MAP3K4: variants seen among roughly 807,000 people sequenced by gnomAD.
The protein encoded by MAP3K4 is MAP three kinase 1.
Under a neutral mutation model 185.6 loss-of-function variants are expected in MAP3K4, and 67 were observed. The observed-to-expected ratio is 0.36, with a 90% confidence interval of 0.30 to 0.44. MAP3K4 has a LOEUF of 0.44. Among genes scored for constraint, MAP3K4 ranks in the 20% least tolerant of loss-of-function variants. The pLI, the probability that MAP3K4 is intolerant of heterozygous loss-of-function variation, is 1.00. For missense variants in MAP3K4, 1,551 were observed against 1,995.1 expected (o/e 0.78, Z 4.24); for synonymous variants, 702 against 710.4 (o/e 0.99, Z 0.19).
rs765303781 is a variant in MAP3K4 at position 161,114,054 on chromosome 6, C to T, written c.4627-1069C>T. ...TCATGATCCGCCTGCCTCAGCCTCC[C>T]GAAGTGCTGAGTGACATTTTTAAAG... is the stretch of plus-strand genomic sequence containing the variant. On this transcript the variant is annotated intron_variant, in intron 25 of 26. Coordinates refer to ENST00000392142, the MANE Select transcript of MAP3K4 (RefSeq NM_005922.4). This position sits in a 1 kb window ranked among gnomAD's most constrained non-coding sequence, Gnocchi z 4.3. 3.3e-5 allele frequency among the ~76,000 whole-genome samples: 5 copies of T among 151,880 alleles called. No individual in the cohort carries two copies. The highest frequency in any genetic ancestry group is 6.6e-5 in the Admixed American group (1 of 15,250).
At chr6:161,021,208 T>G (rs1782369752) in intron 1 of MAP3K4, among the ~76,000 whole-genome samples, 1 of 152,256 alleles carries the variant, frequency 6.6e-6, no homozygotes, top group African/African-American at 2.4e-5. Context: ...GCATTGTTCC[T>G]CTCAAGTGAA....
rs1046788123 is a variant in MAP3K4, at chr6:161,101,576, T to C, written c.3675-316T>C. ...GCAGGCAGGTGCTCTCAGGCTCGGG[T>C]GTTGGCTATGGAGAGATGAAAATGG... On this transcript the variant is annotated intron_variant, in intron 17 of 26. Transcript: ENST00000392142. The surrounding 1 kb of genome is among the most constrained non-coding windows in gnomAD (Gnocchi z 5.1). 2 of 195,714 alleles carry C rather than the reference T, an allele frequency of 1.0e-5. No homozygotes were observed. The highest frequency in any genetic ancestry group is 4.6e-5 in the African/African-American group (2 of 43,118). 12.1% of individuals were successfully genotyped at this position (195,714 alleles called of 1,614,324 possible).
At chr6:161,069,665 G>A (rs925984951) in intron 3 of MAP3K4, among the ~76,000 whole-genome samples, 4 of 152,184 alleles carry the variant, frequency 2.6e-5, no homozygotes, top group Admixed American at 1.3e-4. Context: ...AGTGCCAGGC[G>A]TGGGGACGGT....
At chr6:160,999,317 G>C in intron 1 of MAP3K4, among the ~76,000 whole-genome samples, 1 of 152,114 alleles carries the variant, frequency 6.6e-6, no homozygotes, top group East Asian at 1.9e-4. Context: ...GGAACTTTTG[G>C]ACGATAGTAC....
At position 161,093,158 on chromosome 6, in the gene MAP3K4, A is replaced by G. The variant is rs999228432; in HGVS notation, c.3348+102A>G. The G allele has an allele frequency of 8.2e-6, 6 of 733,186 alleles. No individual in the cohort carries two copies. Among genetic ancestry groups the G allele is most frequent in the African/African-American group, 7.2e-5 (4 of 55,766 alleles). 45.4% of individuals were successfully genotyped at this position (733,186 alleles called of 1,614,324 possible). ...ATGTAATAGTGGTTTTTTTCATGAGATATTAATCTCAGCATATCATGTAAT... is the reference window on the plus strand; with the variant it reads ...ATGTAATAGTGGTTTTTTTCATGAGGTATTAATCTCAGCATATCATGTAAT... On this transcript the variant is annotated intron_variant, in intron 14 of 26. Coordinates refer to ENST00000392142, the MANE Select transcript of MAP3K4 (RefSeq NM_005922.4). This position sits in a 1 kb window ranked among gnomAD's most constrained non-coding sequence, Gnocchi z 5.2.
chr6:161,047,860 A>G (rs1783808994), intron 2 of MAP3K4, among the ~76,000 whole-genome samples: 1 of 152,208 alleles, frequency 6.6e-6, no homozygotes, highest in South Asian at 2.1e-4. Context: ...AACCTCTTCT[A>G]GATGTTTGAA....
chr6:161,001,876 C>T (rs1781336138), intron 1 of MAP3K4, among the ~76,000 whole-genome samples: 1 of 152,078 alleles, frequency 6.6e-6, no homozygotes, highest in Non-Finnish European at 1.5e-5. Context: ...TATTACATTT[C>T]TCTTTCTTCC....
At position 161,100,618 on chromosome 6, in the gene MAP3K4, C is replaced by T. The variant is rs147117798; in HGVS notation, c.3675-1274C>T. 1.5e-3 allele frequency among the ~76,000 whole-genome samples: 236 copies of T among 152,302 alleles called. 2 individuals are homozygous for T. Among genetic ancestry groups the T allele is most frequent in the African/African-American group, 5.3e-3 (222 of 41,556 alleles). The stretch of plus-strand genomic sequence containing the variant: ...ACCCACCTCCCCATCCCCGACATCC[C>T]CCACCAGAGCTAGTCGTTCAACATT... On this transcript the variant is annotated intron_variant, in intron 17 of 26. Coordinates refer to ENST00000392142, the MANE Select transcript of MAP3K4 (RefSeq NM_005922.4). The surrounding 1 kb of genome is among the most constrained non-coding windows in gnomAD (Gnocchi z 5.8).
At chr6:161,099,431 A>G (rs1777729999) in intron 17 of MAP3K4, among the ~76,000 whole-genome samples, 1 of 152,244 alleles carries the variant, frequency 6.6e-6, no homozygotes, top group African/African-American at 2.4e-5. Flanking sequence ...AATGTCTATA[A>G]CCTAAAAAGT....
At position 161,080,021 on chromosome 6, in the gene MAP3K4, C is replaced by T. The variant is rs1052477749; in HGVS notation, c.2098-860C>T. Among the ~76,000 whole-genome samples the T allele has an allele frequency of 2.0e-5, 3 of 152,222 alleles. No homozygotes were observed. In the East Asian group the frequency reaches 5.8e-4, roughly 29 times the overall value. On this transcript the variant is annotated intron_variant, in intron 5 of 26. Coordinates refer to ENST00000392142, the MANE Select transcript of MAP3K4 (RefSeq NM_005922.4). This position sits in a 1 kb window ranked among gnomAD's most constrained non-coding sequence, Gnocchi z 4.8. ...AGTGTGGACACCCGAGTGTAGTCACCTTCAGGATGTGGGAGAGCAGTGGTG... is the reference window on the plus strand; with the variant it reads ...AGTGTGGACACCCGAGTGTAGTCACTTTCAGGATGTGGGAGAGCAGTGGTG...
intron 1 of MAP3K4, among the ~76,000 whole-genome samples, chr6:161,026,489 A>G (rs911653343): frequency 1.3e-5 from 2 of 152,144 alleles, no homozygotes; most frequent in African/African-American, 4.8e-5. Flanking sequence ...CTATACACAT[A>G]TGATCTGGTA....
At chr6:161,014,664 G>A (rs551977249) in intron 1 of MAP3K4, among the ~76,000 whole-genome samples, 24 of 152,288 alleles carry the variant, frequency 1.6e-4, no homozygotes, top group African/African-American at 5.8e-4. Flanking sequence ...ATATCAGAAA[G>A]TGTTCTCATT....
intron 1 of MAP3K4, among the ~76,000 whole-genome samples, chr6:161,018,507 T>C (rs1782219852): frequency 6.6e-6 from 1 of 152,160 alleles, no homozygotes; most frequent in African/African-American, 2.4e-5. Context: ...GAGGAAAAGC[T>C]TCTATGGAAT....
rs79504587 is a variant in MAP3K4, at chr6:161,105,838, G to T, written c.3857-676G>T. Reference sequence around the variant, plus strand: ...CATGAACTAAGTTTTTTGGTTTTTTGTTTTTTTTTTTTTTTGAGACCTGGT... The same window carrying T: ...CATGAACTAAGTTTTTTGGTTTTTTTTTTTTTTTTTTTTTTGAGACCTGGT... On this transcript the variant is annotated intron_variant, in intron 19 of 26. Transcript: ENST00000392142. 9.1e-3 allele frequency among the ~76,000 whole-genome samples: 1,211 copies of T among 132,582 alleles called. 16 individuals are homozygous for T. Among genetic ancestry groups the T allele is most frequent in the Middle Eastern group, 0.069 (18 of 260 alleles). The allele number at this position is 132,582 out of a possible 152,430, so 87.0% of individuals were successfully genotyped here. A position where few individuals can be genotyped will look rare whatever the true frequency, so the allele number is the denominator to read the frequency against.
rs1391776619 is a variant in MAP3K4, at chr6:161,103,296, G to T, written c.3856+517G>T. The stretch of plus-strand genomic sequence containing the variant: ...TAGTTTCTAAGCAGCCCAATAATTT[G>T]GCCAAGGTAGTAAATGAGAGGGTGA... On this transcript the variant is annotated intron_variant, in intron 19 of 26. Coordinates refer to ENST00000392142, the MANE Select transcript of MAP3K4 (RefSeq NM_005922.4). This position sits in a 1 kb window ranked among gnomAD's most constrained non-coding sequence, Gnocchi z 4.6. Among the ~76,000 whole-genome samples, 1 of 152,100 alleles carries T rather than the reference G, an allele frequency of 6.6e-6. No individual in the cohort carries two copies. The highest frequency in any genetic ancestry group is 1.5e-5 in the Non-Finnish European group (1 of 68,016).
intron 23 of MAP3K4, among the ~76,000 whole-genome samples, chr6:161,111,189 G>A (rs1352934691): frequency 6.6e-6 from 1 of 152,178 alleles, no homozygotes; most frequent in Non-Finnish European, 1.5e-5. Flanking sequence ...CTGTGTTGTT[G>A]CTTTTCGAAG....
chr6:161,019,980 A>G (rs1395682564), intron 1 of MAP3K4, among the ~76,000 whole-genome samples: 1 of 152,186 alleles, frequency 6.6e-6, no homozygotes. Flanking sequence ...TTTGACACTT[A>G]TATGATTTTG....
At position 161,097,015 on chromosome 6, in the gene MAP3K4, T is replaced by C; in HGVS notation, c.3428-65T>C. The C allele has an allele frequency of 3.0e-6, 4 of 1,337,524 alleles. No homozygotes were observed. The highest frequency in any genetic ancestry group is 4.3e-6 in the Non-Finnish European group (4 of 929,112). The allele number at this position is 1,337,524 out of a possible 1,614,324, so 82.9% of individuals were successfully genotyped here. A position where few individuals can be genotyped will look rare whatever the true frequency, so the allele number is the denominator to read the frequency against. The stretch of plus-strand genomic sequence containing the variant: ...TGACATTCTATTTTCCATTTGACTG[T>C]TTGGTTTGATGATTTTCTGTGGACC... On this transcript the variant is annotated intron_variant, in intron 15 of 26. Coordinates refer to ENST00000392142, the MANE Select transcript of MAP3K4 (RefSeq NM_005922.4). The surrounding 1 kb of genome is among the most constrained non-coding windows in gnomAD (Gnocchi z 4.9).
intron 3 of MAP3K4, among the ~76,000 whole-genome samples, chr6:161,058,798 T>G (rs963577671): frequency 6.6e-6 from 1 of 152,136 alleles, no homozygotes; most frequent in Non-Finnish European, 1.5e-5. Context: ...TAAATTCCAT[T>G]TAACAACTAC....
Sources: allele counts gnomAD v4.1 joint callset (sites outside exome capture counted in the v4.1 genomes callset), GRCh38; gene constraint gnomAD v4.1.1; non-coding constraint Gnocchi (gnomAD v3.1); transcripts MANE v1.5; gene names NCBI Gene and HGNC (gene_info 2026-07-23, HGNC 2026-07-21).